RPA3: variants seen among roughly 807,000 people sequenced by gnomAD.
RPA3 encodes the protein replication protein A3.
RPA3 carries 24 observed loss-of-function variants against 13.7 expected under a neutral mutation model. The ratio of observed to expected loss-of-function variants is 1.75; its 90% CI spans 1.27 to 2.46. The LOEUF (loss-of-function observed/expected upper bound fraction) is 2.46, where lower values mean the gene tolerates loss of function less well. Among genes scored for constraint, RPA3 ranks in the 30% most tolerant of loss-of-function variants. RPA3 has a pLI of 0.00. For missense variants in RPA3, 183 were observed against 151.0 expected (o/e 1.21, Z -1.11); for synonymous variants, 59 against 51.2 (o/e 1.15, Z -0.65).
At chr7:7,637,818 T>A in intron 7 of RPA3, 46 bp downstream of exon 7, 1 of 1,139,348 alleles carries the variant, frequency 8.8e-7, no homozygotes, top group East Asian at 2.4e-5. Context: ...AAACTGTATG[T>A]TATGTAATTA....
intron 2 of RPA3, among the ~76,000 whole-genome samples, chr7:7,709,090 A>G (rs1435939946): frequency 2.0e-5 from 3 of 152,186 alleles, no homozygotes; most frequent in Non-Finnish European, 2.9e-5. Context: ...AGTGTCTTGC[A>G]TAATAATTTC....
At chr7:7,654,070 A>T (rs966357480) in intron 4 of RPA3, among the ~76,000 whole-genome samples, 1 of 152,198 alleles carries the variant, frequency 6.6e-6, no homozygotes, top group Admixed American at 6.5e-5. Flanking sequence ...TAGAGAAAAA[A>T]GCAGTCATTT....
intron 2 of RPA3, among the ~76,000 whole-genome samples, chr7:7,714,714 C>G (rs940775387): frequency 2.6e-5 from 4 of 152,074 alleles, no homozygotes; most frequent in Non-Finnish European, 5.9e-5. Flanking sequence ...AAATAAAGGC[C>G]TCAGCTGAAA....
At chr7:7,658,218 G>A (rs550545370) in intron 4 of RPA3, among the ~76,000 whole-genome samples, 13 of 152,322 alleles carry the variant, frequency 8.5e-5, no homozygotes, top group Non-Finnish European at 7.4e-5. Context: ...GGGCTGAGAC[G>A]ATGGGGTTTT....
rs958237716 is a variant in RPA3 at position 7,643,963 on chromosome 7, C to G, written c.-757-2788G>C. On this transcript the variant is annotated intron_variant, in intron 4 of 7. Transcript: ENST00000223129. ...GCAAGGACTGAAGTTGCTACTGACC[C>G]GTGAGGATAGGCCACCGGTAACTTG... is the stretch of plus-strand genomic sequence containing the variant. Among the ~76,000 whole-genome samples the G allele has an allele frequency of 3.3e-5, 5 of 152,196 alleles. No homozygotes were observed. The South Asian group carries it at 1.0e-3, about 32-fold the overall frequency.
intron 4 of RPA3, among the ~76,000 whole-genome samples, chr7:7,664,659 T>C (rs1454562824): frequency 2.0e-5 from 3 of 152,220 alleles, no homozygotes; most frequent in Admixed American, 2.0e-4. Context: ...ACACATCAGA[T>C]GAAGTTAAAC....
At chr7:7,685,661 G>T (rs1449058724) in intron 4 of RPA3, among the ~76,000 whole-genome samples, 169 bp downstream of exon 4, 2 of 152,034 alleles carry the variant, frequency 1.3e-5, no homozygotes, top group African/African-American at 2.4e-5. Context: ...TGGCCCACTT[G>T]GTTTCTCAAG....
At chr7:7,652,316 C>G (rs1019904754) in intron 4 of RPA3, among the ~76,000 whole-genome samples, 1 of 152,092 alleles carries the variant, frequency 6.6e-6, no homozygotes, top group East Asian at 1.9e-4. Context: ...TCATGCAGTT[C>G]GTGGAAGTTT....
chr7:7,690,974 C>G (rs1780159943), intron 2 of RPA3, among the ~76,000 whole-genome samples: 1 of 152,170 alleles, frequency 6.6e-6, no homozygotes, highest in Non-Finnish European at 1.5e-5. Context: ...AGTGCAGTTT[C>G]TTTCTGCTCC....
intron 2 of RPA3, among the ~76,000 whole-genome samples, chr7:7,689,067 T>C (rs1780109429): frequency 6.6e-6 from 1 of 152,130 alleles, no homozygotes; most frequent in South Asian, 2.1e-4. Flanking sequence ...TGCTTGACCA[T>C]GCGTTTTAGG....
At chr7:7,672,673 G>A in intron 4 of RPA3, among the ~76,000 whole-genome samples, 1 of 152,150 alleles carries the variant, frequency 6.6e-6, no homozygotes, top group Non-Finnish European at 1.5e-5. Context: ...GTCGTCCTGT[G>A]AGGAGGTGAC....
chr7:7,660,795 C>T (rs1056758432), intron 4 of RPA3, among the ~76,000 whole-genome samples: 2 of 152,100 alleles, frequency 1.3e-5, no homozygotes, highest in Admixed American at 6.6e-5. Context: ...TTGCTCTTAT[C>T]GAGGATTATC....
intron 4 of RPA3, among the ~76,000 whole-genome samples, chr7:7,684,298 T>C (rs1779986138): frequency 6.6e-6 from 1 of 151,984 alleles, no homozygotes; most frequent in South Asian, 2.1e-4. Flanking sequence ...GCCTCCCGCG[T>C]TCAAGCAATT....
chr7:7,695,898 C>G (rs1780303080), intron 2 of RPA3, among the ~76,000 whole-genome samples: 1 of 151,738 alleles, frequency 6.6e-6, no homozygotes, highest in South Asian at 2.1e-4. Context: ...AGTATCCAAC[C>G]ATGGCAGGAG....
intron 2 of RPA3, among the ~76,000 whole-genome samples, chr7:7,699,049 T>TGG (rs63713363): frequency 1.1e-3 from 161 of 143,680 alleles, no homozygotes; most frequent in Non-Finnish European, 2.1e-3. Context: ...TGTGTGTGTG[T>TGG]GGGGGGGGGG....
intron 4 of RPA3, among the ~76,000 whole-genome samples, chr7:7,680,637 A>G (rs1252042316): frequency 1.3e-5 from 2 of 152,052 alleles, no homozygotes; most frequent in Non-Finnish European, 2.9e-5. Flanking sequence ...GGTAGTATGG[A>G]CATTTTAACA....
chr7:7,640,300 A>C lies in RPA3; in HGVS notation c.99+20T>G. On this transcript the variant is annotated intron_variant, in intron 5 of 7. Transcript: ENST00000223129. ...CCTCCAGCTACGGACTTGGGAGCCC[A>C]TGATTGCGAACCCGCACACCTTTTC... The C allele has an allele frequency of 1.2e-6, 2 of 1,613,444 alleles. No homozygotes were observed. Among genetic ancestry groups the C allele is most frequent in the African/African-American group, 1.3e-5 (1 of 74,994 alleles).
intron 2 of RPA3, among the ~76,000 whole-genome samples, chr7:7,692,161 C>T (rs547540684): frequency 6.6e-6 from 1 of 152,234 alleles, no homozygotes; most frequent in East Asian, 1.9e-4. Context: ...ATATCACCAT[C>T]TTCCCTTACT....
intron 4 of RPA3, among the ~76,000 whole-genome samples, chr7:7,651,032 C>G (rs779451754): frequency 2.6e-5 from 4 of 152,196 alleles, no homozygotes; most frequent in African/African-American, 7.2e-5. Context: ...GACCTTTGAG[C>G]AACCCCTCTG....
Sources: allele counts gnomAD v4.1 joint callset (sites outside exome capture counted in the v4.1 genomes callset), GRCh38; gene constraint gnomAD v4.1.1; transcripts MANE v1.5; gene names NCBI Gene and HGNC (gene_info 2026-07-23, HGNC 2026-07-21).